MEMO1: variants seen among roughly 807,000 people sequenced by gnomAD.
MEMO1 encodes mediator of cell motility 1.
A neutral mutation model predicts 45.2 loss-of-function variants in MEMO1; 6 were observed. The observed-to-expected ratio is 0.13, with a 90% CI of 0.07 to 0.26. The LOEUF is 0.26. Ranked by LOEUF, MEMO1 falls within the 10% of genes least tolerant of loss-of-function variation. The pLI, the probability that MEMO1 is intolerant of heterozygous loss-of-function variation, is 1.00. For synonymous variants in MEMO1, 78 were observed against 124.3 expected, an observed-to-expected ratio of 0.63 and a Z score of 2.48; for missense variants, 184 against 370.5, an observed-to-expected ratio of 0.50 and a Z score of 4.13.
At chr2:31,897,279 G>A (rs1300054533) in intron 6 of MEMO1, among the ~76,000 whole-genome samples, 1 of 151,810 alleles carries the variant, frequency 6.6e-6, no homozygotes, top group African/African-American at 2.4e-5. Flanking sequence ...GTGGTGAGAG[G>A]AGACACACTT....
At chr2:31,910,514 TAGAA>T (rs1457803355) in intron 6 of MEMO1, among the ~76,000 whole-genome samples, 1 of 152,120 alleles carries the variant, frequency 6.6e-6, no homozygotes, top group Non-Finnish European at 1.5e-5. Context: ...AGGGAGAAAT[TAGAA>T]AGACCCTCAC....
intron 2 of MEMO1, among the ~76,000 whole-genome samples, chr2:31,998,970 T>C (rs1672940073): frequency 6.6e-6 from 1 of 152,214 alleles, no homozygotes; most frequent in South Asian, 2.1e-4. Context: ...GCCAAACTTG[T>C]TCCTCTTAGA....
intron 4 of MEMO1, among the ~76,000 whole-genome samples, chr2:31,929,343 G>A (rs920998662): frequency 2.0e-5 from 3 of 151,224 alleles, no homozygotes; most frequent in South Asian, 2.1e-4. Flanking sequence ...TTCCCATTCC[G>A]TTCATCGCTT....
chr2:31,960,866 GT>G (rs1239764373), intron 2 of MEMO1, among the ~76,000 whole-genome samples: 21 of 152,270 alleles, frequency 1.4e-4, no homozygotes, highest in Non-Finnish European at 2.6e-4. Flanking sequence ...GATTACAGGT[GT>G]GAGCCACCAG....
intron 2 of MEMO1, among the ~76,000 whole-genome samples, chr2:31,960,681 G>T (rs1014104523): frequency 2.6e-5 from 4 of 152,124 alleles, no homozygotes; most frequent in Non-Finnish European, 4.4e-5. Flanking sequence ...CACTTCCGGG[G>T]TTCAAGCAAT....
chr2:31,930,925 C>G (rs1241130924), intron 4 of MEMO1, among the ~76,000 whole-genome samples: 3 of 151,370 alleles, frequency 2.0e-5, no homozygotes, highest in African/African-American at 7.3e-5. Flanking sequence ...TCCCAAAGTG[C>G]TGGGATTACA....
chr2:31,961,334 G>A (rs1667983600), intron 2 of MEMO1, among the ~76,000 whole-genome samples: 1 of 152,046 alleles, frequency 6.6e-6, no homozygotes, highest in African/African-American at 2.4e-5. Flanking sequence ...TCTAGCCTGG[G>A]TGATAAAGGA....
At chr2:31,903,742 C>A (rs1266052573) in intron 6 of MEMO1, among the ~76,000 whole-genome samples, 1 of 151,736 alleles carries the variant, frequency 6.6e-6, no homozygotes. Flanking sequence ...GCTCTAAAAC[C>A]AAAAATAAAA....
chr2:31,990,873 G>T (rs758231854), intron 2 of MEMO1, among the ~76,000 whole-genome samples: 1 of 151,986 alleles, frequency 6.6e-6, no homozygotes, highest in African/African-American at 2.4e-5. Context: ...ATGACATTTC[G>T]CTGAGACTAG....
chr2:31,898,800 T>C (rs779270084), intron 6 of MEMO1, among the ~76,000 whole-genome samples: 2 of 152,176 alleles, frequency 1.3e-5, no homozygotes, highest in Admixed American at 6.5e-5. Flanking sequence ...CTGTCTAATA[T>C]TGATAATGGG....
chr2:31,963,353 C>T, intron 2 of MEMO1: 1 of 1,235,844 alleles, frequency 8.1e-7, no homozygotes, highest in Non-Finnish European at 1.0e-6. Context: ...CACACATACC[C>T]TACTGGTTCT....
At chr2:31,990,968 G>C (rs1671875113) in intron 2 of MEMO1, among the ~76,000 whole-genome samples, 1 of 151,910 alleles carries the variant, frequency 6.6e-6, no homozygotes. Flanking sequence ...TGAAAAACCA[G>C]AATAAGGAGC....
intron 3 of MEMO1, among the ~76,000 whole-genome samples, chr2:31,940,562 C>G (rs188520947): frequency 1.1e-3 from 173 of 152,302 alleles, no homozygotes; most frequent in African/African-American, 4.0e-3. Context: ...TATTTAAAGA[C>G]AGGGTATCTC....
chr2:32,008,683 T>C (rs1402322124), intron 2 of MEMO1, among the ~76,000 whole-genome samples: 2 of 152,258 alleles, frequency 1.3e-5, no homozygotes, highest in Non-Finnish European at 2.9e-5. Flanking sequence ...TAAATGTTTA[T>C]GAAGTACTTT....
chr2:31,926,094 C>T (rs1456549547), intron 4 of MEMO1, among the ~76,000 whole-genome samples: 2 of 152,072 alleles, frequency 1.3e-5, no homozygotes, highest in Non-Finnish European at 2.9e-5. Flanking sequence ...AAGTCAGGCA[C>T]GGTGGTTCAT....
chr2:31,899,008 G>C (rs997352356), intron 6 of MEMO1, among the ~76,000 whole-genome samples: 2 of 151,908 alleles, frequency 1.3e-5, no homozygotes, highest in African/African-American at 4.8e-5. Context: ...TTTAAAGTCT[G>C]TTTTATCAGA....
intron 5 of MEMO1, among the ~76,000 whole-genome samples, chr2:31,920,007 C>T (rs1450146857): frequency 1.3e-5 from 2 of 151,070 alleles, no homozygotes; most frequent in Non-Finnish European, 2.9e-5. Flanking sequence ...ATTTGACTAA[C>T]TGAAAGGACA....
At chr2:32,002,270 CAT>C (rs1442383862) in intron 2 of MEMO1, among the ~76,000 whole-genome samples, 4 of 142,812 alleles carry the variant, frequency 2.8e-5, no homozygotes, top group Non-Finnish European at 3.0e-5. Flanking sequence ...TATACATACA[CAT>C]ATATACATGT....
At chr2:31,943,472 T>C in intron 2 of MEMO1, 89 bp from the exon 3 acceptor site, 4 of 937,330 alleles carry the variant, frequency 4.3e-6, no homozygotes, top group East Asian at 2.4e-5. Flanking sequence ...TGAACTTATG[T>C]GGGACTAAAC....
Sources: gnomAD v4.1 joint callset for allele counts (sites outside exome capture counted in the v4.1 genomes callset) on GRCh38, gnomAD v4.1.1 for gene constraint, MANE v1.5 for transcripts, NCBI Gene and HGNC (gene_info 2026-07-23, HGNC 2026-07-21) for gene names.